The following P2RX6 variants were observed in gnomAD, a reference collection of about 807,000 sequenced individuals.
The protein encoded by P2RX6 is P2X purinoceptor 6.
Under a neutral mutation model 54.2 loss-of-function variants are expected in P2RX6, and 62 were observed. The ratio of observed to expected loss-of-function variants is 1.14; its 90% CI spans 0.93 to 1.41. P2RX6 has a LOEUF of 1.41. Ranked by LOEUF, P2RX6 falls within the 40% of genes most tolerant of loss-of-function variation. P2RX6 has a pLI of 0.00. For missense variants in P2RX6, 541 were observed against 566.3 expected, an observed-to-expected ratio of 0.96 and a Z score of 0.45; for synonymous variants, 211 against 231.9, an observed-to-expected ratio of 0.91 and a Z score of 0.82.
At chr22:21,010,746 T>C (rs1399795242), upstream of P2RX6, among the ~76,000 whole-genome samples, 2 of 152,080 alleles carry the variant, frequency 1.3e-5, no homozygotes, top group African/African-American at 4.8e-5. Flanking sequence ...AACCATGTCT[T>C]CTACCTCACC....
chr22:21,026,377 G>A lies in P2RX6; in HGVS notation c.1129-43G>A. 1 of 1,587,534 alleles carries A rather than the reference G, an allele frequency of 6.3e-7. No homozygotes were observed. The highest frequency in any genetic ancestry group is 1.2e-5 in the South Asian group (1 of 86,792). ...GGACCCTGGGTTCTGCCACACTTAG[G>A]AAGATGTTGGCTGGATCCCTGACCT... On this transcript the variant is annotated intron_variant, in intron 11 of 11. Transcript: ENST00000413302. The surrounding 1 kb of genome is among the most constrained non-coding windows in gnomAD (Gnocchi z 4.0).
chr22:21,016,482 G>A (rs1926405928), intron 2 of P2RX6, among the ~76,000 whole-genome samples: 2 of 151,782 alleles, frequency 1.3e-5, no homozygotes, highest in South Asian at 4.2e-4. Flanking sequence ...GCAGCTACTC[G>A]GGAGGCTGGG....
At chr22:21,013,610 C>A (rs570812305), upstream of P2RX6, among the ~76,000 whole-genome samples, 9 of 152,332 alleles carry the variant, frequency 5.9e-5, no homozygotes, top group African/African-American at 1.9e-4. Context: ...CATAAAGTCT[C>A]ACAGCTAGTG....
At chr22:21,018,096 G>C (rs1174670499) in intron 3 of P2RX6, 36 bp downstream of exon 3, 1 of 1,473,038 alleles carries the variant, frequency 6.8e-7, no homozygotes, top group Non-Finnish European at 9.5e-7. Flanking sequence ...CGGGTCCCTT[G>C]TTCCTCCATC....
rs865781210 is a variant in P2RX6, at chr22:21,016,219, G to C, written c.315+127G>C. On this transcript the variant is annotated intron_variant, in intron 2 of 11. Coordinates refer to ENST00000413302, the MANE Select transcript of P2RX6 (RefSeq NM_005446.5). The stretch of plus-strand genomic sequence containing the variant: ...GCCAGAGACGGCTGCGGGTTCTCAG[G>C]AAGGGCTTCACAGAGGAGTGGCACC... 1.2e-5 allele frequency: 12 copies of C among 1,010,228 alleles called. No individual in the cohort carries two copies. The Middle Eastern group carries it at 1.6e-3, about 136-fold the overall frequency. The allele number at this position is 1,010,228 out of a possible 1,614,324, so 62.6% of individuals were successfully genotyped here.
Position 21,022,657 on chromosome 22 carries a change from GCT to G in P2RX6, c.388-11_388-10del, listed in dbSNP as rs757323195. ...GACATCCCCTGTGCCATTGGTGACT[GCT>G]CTCTCTCCCACCTCAGCACCCGTCC... On this transcript the variant is annotated splice_polypyrimidine_tract_variant and intron_variant, in intron 3 of 11. Transcript: ENST00000413302. 4.0e-6 allele frequency: 6 copies of G among 1,503,338 alleles called. No homozygotes were observed. In the East Asian group the frequency reaches 1.4e-4, roughly 35 times the overall value. The allele number at this position is 1,503,338 out of a possible 1,614,324, so 93.1% of individuals were successfully genotyped here. A position where few individuals can be genotyped will look rare whatever the true frequency, so the allele number is the denominator to read the frequency against.
At chr22:21,017,777 CAA>C (rs1926655932) in intron 2 of P2RX6, 1 of 638,090 alleles carries the variant, frequency 1.6e-6, no homozygotes, top group Admixed American at 2.2e-5. Flanking sequence ...AGACTTGTCT[CAA>C]GAGATGGACA....
chr22:21,023,404 C>G lies in P2RX6; in HGVS notation c.768C>G (p.Asp256Glu). 2 of 1,614,036 alleles carry G rather than the reference C, an allele frequency of 1.2e-6. No individual in the cohort carries two copies. The highest frequency in any genetic ancestry group is 1.7e-6 in the Non-Finnish European group (2 of 1,179,894). Reference sequence around the variant, plus strand: ...CCAAGGCTGGAGGGACCTTCGAGGACCTGGCGTTGCTGGTGGGTCCCAAGT... The same window carrying G: ...CCAAGGCTGGAGGGACCTTCGAGGAGCTGGCGTTGCTGGTGGGTCCCAAGT... The part of the protein sequence containing the change: ...LVAKAGGTFE[D>E]LALLGGSVGI... The change falls in exon 7 of 12, where the codon GAC (aspartate) becomes GAG (glutamate). Residue 256 changes from aspartate (D) to glutamate (E), a missense_variant. Asp to Glu is a conservative substitution (Grantham distance 45, BLOSUM62 2). Transcript: ENST00000413302.
At chr22:21,012,520 C>T (rs1601737364), upstream of P2RX6, 7 of 596,912 alleles carry the variant, frequency 1.2e-5, no homozygotes, top group East Asian at 1.6e-4. Flanking sequence ...CCAGACCCAG[C>T]ACCTACCGCA....
chr22:21,026,860 G>A lies in P2RX6; in HGVS notation c.*243G>A. On this transcript the variant is annotated 3_prime_UTR_variant, in exon 12 of 12. Coordinates refer to ENST00000413302, the MANE Select transcript of P2RX6 (RefSeq NM_005446.5). This position sits in a 1 kb window ranked among gnomAD's most constrained non-coding sequence, Gnocchi z 4.0. ...GACTGGGAGAGCCCAGCAGGCACCTGTATTGCAGGGCTCCGACTGCATGTG... is the reference window on the plus strand; with the variant it reads ...GACTGGGAGAGCCCAGCAGGCACCTATATTGCAGGGCTCCGACTGCATGTG... The A allele has an allele frequency of 1.4e-6, 1 of 730,860 alleles. No individual in the cohort carries two copies. Among genetic ancestry groups the A allele is most frequent in the Non-Finnish European group, 2.1e-6 (1 of 465,816 alleles). The allele number at this position is 730,860 out of a possible 1,614,324, so 45.3% of individuals were successfully genotyped here.
intron 3 of P2RX6, among the ~76,000 whole-genome samples, chr22:21,019,660 C>T (rs1927021649): frequency 6.6e-6 from 1 of 152,240 alleles, no homozygotes; most frequent in Non-Finnish European, 1.5e-5. Flanking sequence ...TAAAGACAAA[C>T]ACACATAAAT....
chr22:21,010,796 C>T (rs1240179740), upstream of P2RX6, among the ~76,000 whole-genome samples: 3 of 152,042 alleles, frequency 2.0e-5, no homozygotes, highest in Non-Finnish European at 4.4e-5. Context: ...GGCCTACAGC[C>T]CTGCAGCCCT....
At chr22:21,015,888 C>T (rs1300651969) in intron 1 of P2RX6, 54 bp from the exon 2 acceptor site, 24 of 1,529,930 alleles carry the variant, frequency 1.6e-5, no homozygotes, top group Non-Finnish European at 2.0e-5. Context: ...CTCAGCTCCG[C>T]CCCTGTCACT....
upstream of P2RX6, chr22:21,011,379 A>G (rs1210564): frequency 0.85 from 523,557 of 614,454 alleles, 226,530 homozygotes; most frequent in African/African-American, 0.95. Context: ...CTGCGCAGGC[A>G]TTACCTGCTT....
chr22:21,012,744 T>C (rs894192169), upstream of P2RX6: 11 of 302,480 alleles, frequency 3.6e-5, no homozygotes, highest in Non-Finnish European at 5.7e-5. Context: ...ACCTGGAAAG[T>C]ACCCCCCTTT....
chr22:21,015,308 T>C lies in P2RX6; in HGVS notation c.134T>C (p.Leu45Pro). 6.4e-7 allele frequency: 1 copy of C among 1,562,032 alleles called. No individual in the cohort carries two copies. The highest frequency in any genetic ancestry group is 8.6e-7 in the Non-Finnish European group (1 of 1,161,116). ...NWRVGALQRL[L>P]QFGIVVYVVG... is the part of the protein sequence containing the mutation. ...CGGGTGGGCGCCCTGCAGAGGCTGC[T>C]GCAGTTTGGGATCGTGGTCTATGTG... Residue 45 changes from leucine (L) to proline (P), a missense_variant, in exon 1 of 12, where the codon CTG becomes CCG. Physicochemically the swap from Leu to Pro is moderately conservative, Grantham distance 98 (BLOSUM62 -3). Around this residue, in one of 2 missense-constraint regions of P2RX6, gnomAD observed 526 missense variants for 531.5 expected, o/e 0.99. Coordinates refer to ENST00000413302, the MANE Select transcript of P2RX6 (RefSeq NM_005446.5).
upstream of P2RX6, chr22:21,012,731 C>T (rs938395026): frequency 1.9e-5 from 6 of 309,322 alleles, no homozygotes; most frequent in East Asian, 1.5e-4. Context: ...CTCCACGTCC[C>T]CCACCTGGAA....
At position 21,027,901 on chromosome 22, in the gene P2RX6, T is replaced by G. The variant is rs977828268; in HGVS notation, c.*1284T>G. 6.6e-6 allele frequency: 1 copy of G among 152,170 alleles called. No individual in the cohort carries two copies. Among genetic ancestry groups the G allele is most frequent in the African/African-American group, 2.4e-5 (1 of 41,428 alleles). The allele number at this position is 152,170 out of a possible 1,614,324, so 9.4% of individuals were successfully genotyped here. A position where few individuals can be genotyped will look rare whatever the true frequency, so the allele number is the denominator to read the frequency against. On this transcript the variant is annotated 3_prime_UTR_variant, in exon 12 of 12. Transcript: ENST00000413302. ...GGCGAAGGTGGGAGAGCAGGGCCCC[T>G]GAGGCCTGGGTATCCAAGGAGGGGC...
At chr22:21,023,482 G>A (rs201343527) in intron 7 of P2RX6, 27 bp from the exon 8 acceptor site, 137 of 1,613,422 alleles carry the variant, frequency 8.5e-5, no homozygotes, top group Middle Eastern at 3.3e-4. Flanking sequence ...CCCACCCACC[G>A]GTGGAAAAGC....
Sources: allele counts gnomAD v4.1 joint callset (sites outside exome capture counted in the v4.1 genomes callset), GRCh38; gene constraint gnomAD v4.1.1; regional missense constraint gnomAD v4.1.1; non-coding constraint Gnocchi (gnomAD v3.1); transcripts MANE v1.5; gene names NCBI Gene and HGNC (gene_info 2026-07-23, HGNC 2026-07-21).